SDK1: variants seen among roughly 807,000 people sequenced by gnomAD.
The protein encoded by SDK1 is sidekick cell adhesion molecule 1.
Under a neutral mutation model 245.5 loss-of-function variants are expected in SDK1, and 157 were observed. The ratio of observed to expected loss-of-function variants is 0.64; its 90% CI spans 0.56 to 0.73. The LOEUF is 0.73. SDK1 is among the 30% of genes least tolerant of loss of function. The pLI is 0.00. For missense variants in SDK1, 3,583 were observed against 3,002.3 expected (o/e 1.19, Z -4.52); for synonymous variants, 1,647 against 1,278.5 (o/e 1.29, Z -6.15).
intron 13 of SDK1, among the ~76,000 whole-genome samples, chr7:3,979,829 C>T (rs1175414763): frequency 1.3e-5 from 2 of 152,154 alleles, no homozygotes; most frequent in African/African-American, 2.4e-5. Flanking sequence ...CTCCTAAGGC[C>T]TTATGGATTG....
In SDK1 at chr7:3,462,715, A is replaced by G. The variant is rs79460746; in HGVS notation, c.299-156365A>G. Among the ~76,000 whole-genome samples, 962 of 152,078 alleles carry G rather than the reference A, an allele frequency of 6.3e-3. 3 individuals are homozygous for G. Among genetic ancestry groups the G allele is most frequent in the Non-Finnish European group, 1.0e-2 (679 of 67,984 alleles). On this transcript the variant is annotated intron_variant, in intron 1 of 44. Transcript: ENST00000404826. Reference sequence around the variant, plus strand: ...CCACTTATCACCATATTTTCACCTCAAACACCTCTGTGATCTCTCCCCTCC... The same window carrying G: ...CCACTTATCACCATATTTTCACCTCGAACACCTCTGTGATCTCTCCCCTCC...
chr7:3,417,457 T>C (rs532031926), intron 1 of SDK1, among the ~76,000 whole-genome samples: 5 of 152,022 alleles, frequency 3.3e-5, no homozygotes, highest in African/African-American at 4.8e-5. Flanking sequence ...CTCTTTTTTT[T>C]CTCTCTCTTA....
intron 1 of SDK1, among the ~76,000 whole-genome samples, chr7:3,514,772 T>C (rs184396719): frequency 3.3e-5 from 5 of 152,156 alleles, no homozygotes; most frequent in Non-Finnish European, 7.4e-5. Context: ...GTACATTGTT[T>C]TATGCCCAGC....
In SDK1 at chr7:3,772,324, A is replaced by G. The variant is rs140216543; in HGVS notation, c.714-49126A>G. Among the ~76,000 whole-genome samples the G allele has an allele frequency of 2.6e-5, 4 of 151,876 alleles. No individual in the cohort carries two copies. The East Asian group carries it at 7.7e-4, about 29-fold the overall frequency. On this transcript the variant is annotated intron_variant, in intron 4 of 44. Coordinates refer to ENST00000404826, the MANE Select transcript of SDK1 (RefSeq NM_152744.4). ...GACATTTGGTATCCTAAAGTCAAAT[A>G]CTCTTAATTTGGATTTATATCAGCT... is the stretch of plus-strand genomic sequence containing the variant.
chr7:3,691,194 A>G (rs370331929), intron 4 of SDK1, among the ~76,000 whole-genome samples: 2,345 of 9,176 alleles, frequency 0.26, 66 homozygotes, highest in African/African-American at 0.44. Context: ...GAAAAGCAAT[A>G]GAGAATTCTG....
At position 3,391,966 on chromosome 7, in the gene SDK1, A is replaced by AATATATATATATATAT. The variant is rs55768106; in HGVS notation, c.298+90089_298+90104dup. On this transcript the variant is annotated intron_variant, in intron 1 of 44. Transcript: ENST00000404826. The stretch of plus-strand genomic sequence containing the variant: ...ATTTTTAAAAGTATGTATATCATGT[A>AATATATATATATATAT]ATATATATATATATATATATATGCA... Among the ~76,000 whole-genome samples, 380 of 143,980 alleles carry AATATATATATATATAT rather than the reference A, an allele frequency of 2.6e-3. 2 individuals carry two copies. The highest frequency in any genetic ancestry group is 9.2e-3 in the African/African-American group (345 of 37,608). 94.5% of individuals were successfully genotyped at this position (143,980 alleles called of 152,430 possible). A position where few individuals can be genotyped will look rare whatever the true frequency, so the allele number is the denominator to read the frequency against.
rs149288972 is a variant in SDK1, at chr7:3,429,256, G to A, written c.298+127372G>A. Reference sequence around the variant, plus strand: ...ATATGATAAAAGGCTTTTTTTAAGTGCCTCTAAAATGCCAGGTCTTCTAGA... The same window carrying A: ...ATATGATAAAAGGCTTTTTTTAAGTACCTCTAAAATGCCAGGTCTTCTAGA... On this transcript the variant is annotated intron_variant, in intron 1 of 44. Transcript: ENST00000404826. 4.9e-4 allele frequency among the ~76,000 whole-genome samples: 74 copies of A among 151,958 alleles called. 1 individual carries two copies. In the East Asian group the frequency reaches 0.014, roughly 29 times the overall value.
intron 1 of SDK1, among the ~76,000 whole-genome samples, chr7:3,582,155 C>T (rs1344940006): frequency 2.7e-5 from 4 of 149,822 alleles, no homozygotes; most frequent in East Asian, 2.0e-4. Flanking sequence ...GTAGGCCTGT[C>T]TCAGGTAGGT....
At chr7:4,257,495 G>A (rs1787706485) in intron 44 of SDK1, among the ~76,000 whole-genome samples, 1 of 152,164 alleles carries the variant, frequency 6.6e-6, no homozygotes, top group Non-Finnish European at 1.5e-5. Context: ...AACAGAGCAG[G>A]CAGCAGGAGG....
chr7:4,192,871 C>T, intron 35 of SDK1, among the ~76,000 whole-genome samples: 1 of 151,730 alleles, frequency 6.6e-6, no homozygotes, highest in East Asian at 1.9e-4. Flanking sequence ...AGCTCTCAGA[C>T]ATCATATATA....
intron 14 of SDK1, among the ~76,000 whole-genome samples, chr7:4,000,840 C>G (rs2128144303): frequency 6.6e-6 from 1 of 152,288 alleles, no homozygotes; most frequent in African/African-American, 2.4e-5. Context: ...GCTTTTTAAG[C>G]CTCCCATGCA....
intron 4 of SDK1, among the ~76,000 whole-genome samples, chr7:3,672,361 C>T (rs367941871): frequency 6.6e-6 from 1 of 151,796 alleles, no homozygotes; most frequent in African/African-American, 2.4e-5. Context: ...AAGTGTCTCT[C>T]TGTTTCTTGC....
At chr7:4,163,562 A>T (rs1781305925) in intron 32 of SDK1, among the ~76,000 whole-genome samples, 1 of 152,182 alleles carries the variant, frequency 6.6e-6, no homozygotes, top group South Asian at 2.1e-4. Context: ...GGCCCTGCAG[A>T]AGGGCCACTC....
intron 4 of SDK1, among the ~76,000 whole-genome samples, chr7:3,792,718 A>G (rs13227703): frequency 1.5e-5 from 2 of 134,738 alleles, no homozygotes; most frequent in Non-Finnish European, 3.2e-5. Flanking sequence ...CCATCCATCC[A>G]TCCGTCTGTC....
At chr7:4,071,505 T>C (rs1382789855) in intron 20 of SDK1, among the ~76,000 whole-genome samples, 1 of 152,114 alleles carries the variant, frequency 6.6e-6, no homozygotes, top group Non-Finnish European at 1.5e-5. Context: ...GTGCTGAGTG[T>C]GTACAATTAA....
intron 1 of SDK1, among the ~76,000 whole-genome samples, chr7:3,428,996 C>G (rs963216998): frequency 1.3e-5 from 2 of 152,118 alleles, no homozygotes; most frequent in East Asian, 3.9e-4. Flanking sequence ...GAAATAAGTT[C>G]AGTTAGTTCT....
chr7:3,486,263 GTTTTC>G (rs67232303), intron 1 of SDK1, among the ~76,000 whole-genome samples: 33,401 of 151,570 alleles, frequency 0.22, 3,942 homozygotes, highest in South Asian at 0.37. Context: ...ATCTGAGGTT[GTTTTC>G]TTTTCCATTT....
At chr7:3,712,184 C>T (rs1278956125) in intron 4 of SDK1, among the ~76,000 whole-genome samples, 1 of 152,188 alleles carries the variant, frequency 6.6e-6, no homozygotes, top group Non-Finnish European at 1.5e-5. Flanking sequence ...TCTGTATTTA[C>T]AGCCATTCCC....
chr7:3,631,565 A>T (rs2078126335), intron 2 of SDK1, among the ~76,000 whole-genome samples: 1 of 152,200 alleles, frequency 6.6e-6, no homozygotes, highest in Non-Finnish European at 1.5e-5. Flanking sequence ...GATCCATAAT[A>T]TTAATGCGGT....
Sources: allele counts gnomAD v4.1 joint callset (sites outside exome capture counted in the v4.1 genomes callset), GRCh38; gene constraint gnomAD v4.1.1; transcripts MANE v1.5; gene names NCBI Gene and HGNC (gene_info 2026-07-23, HGNC 2026-07-21).